The following SOX6 variants were observed in gnomAD, a reference collection of about 807,000 sequenced individuals.
The protein encoded by SOX6 is SRY-box transcription factor 6.
Under a neutral mutation model 97.8 loss-of-function variants are expected in SOX6, and 11 were observed. The observed-to-expected ratio is 0.11, with a 90% CI of 0.07 to 0.19. The LOEUF (loss-of-function observed/expected upper bound fraction) is 0.19, where lower values mean the gene tolerates loss of function less well. Among genes scored for constraint, SOX6 ranks in the 10% least tolerant of loss-of-function variants. SOX6 has a pLI of 1.00. For synonymous variants in SOX6, 360 were observed against 371.4 expected, an observed-to-expected ratio of 0.97 and a Z score of 0.35; for missense variants, 810 against 1,039.5, an observed-to-expected ratio of 0.78 and a Z score of 3.04.
At position 15,973,070 on chromosome 11, in the gene SOX6, C is replaced by G; in HGVS notation, c.2226G>C (p.Val742=). 1.9e-6 allele frequency: 3 copies of G among 1,614,156 alleles called. No homozygotes were observed. Among genetic ancestry groups the G allele is most frequent in the Non-Finnish European group, 2.5e-6 (3 of 1,180,016 alleles). Residue 742 remains valine, a synonymous_variant, in exon 16 of 16, where the codon GTG becomes GTC. Transcript: ENST00000683767. ...QIPITTGTGV[V]YPGAITMATT... is the part of the protein sequence containing the mutation. ...TTGCCATAGTGATAGCACCAGGATA[C>G]ACAACACCTGTTCCTGTGGTGATTG...
chr11:16,576,529 T>A (rs1345738641), intron 4 of SOX6, among the ~76,000 whole-genome samples: 1 of 152,236 alleles, frequency 6.6e-6, no homozygotes, highest in Non-Finnish European at 1.5e-5. Context: ...AAGATATATC[T>A]TCTGTAATAT....
chr11:16,237,741 T>C (rs1853068247), intron 3 of SOX6, among the ~76,000 whole-genome samples: 1 of 152,048 alleles, frequency 6.6e-6, no homozygotes. Flanking sequence ...TAAATATATT[T>C]TACAAATTAA....
At chr11:16,243,081 C>T (rs1056542049) in intron 3 of SOX6, among the ~76,000 whole-genome samples, 1 of 151,942 alleles carries the variant, frequency 6.6e-6, no homozygotes, top group South Asian at 2.1e-4. Context: ...TCTACTGTGC[C>T]TACATCAAAT....
intron 4 of SOX6, among the ~76,000 whole-genome samples, chr11:16,584,554 C>T (rs4447142): frequency 0.65 from 98,205 of 152,006 alleles, 32,280 homozygotes; most frequent in Non-Finnish European, 0.7. Flanking sequence ...CACTGCTGCC[C>T]TCACTAGGAA....
At chr11:16,230,272 T>C (rs1388228073) in intron 4 of SOX6, among the ~76,000 whole-genome samples, 4 of 149,558 alleles carry the variant, frequency 2.7e-5, no homozygotes, top group Admixed American at 1.3e-4. Flanking sequence ...ATTACTTCTC[T>C]ATTACTTAAT....
intron 4 of SOX6, among the ~76,000 whole-genome samples, chr11:16,527,256 G>C (rs1398375258): frequency 1.3e-5 from 2 of 152,072 alleles, no homozygotes; most frequent in African/African-American, 4.8e-5. Context: ...GAAACTGACA[G>C]CTTCATGAAA....
At chr11:15,984,796 G>A (rs1349203910) in intron 15 of SOX6, among the ~76,000 whole-genome samples, 1 of 152,118 alleles carries the variant, frequency 6.6e-6, no homozygotes, top group Non-Finnish European at 1.5e-5. Flanking sequence ...ATCATCTGGT[G>A]TGATATAAAA....
At chr11:16,396,425 T>A (rs981729787) in intron 1 of SOX6, among the ~76,000 whole-genome samples, 2 of 151,688 alleles carry the variant, frequency 1.3e-5, no homozygotes, top group African/African-American at 2.4e-5. Context: ...CATGCACACA[T>A]ATAATGTAGA....
intron 1 of SOX6, among the ~76,000 whole-genome samples, chr11:16,449,589 G>C (rs1794409794): frequency 6.6e-6 from 1 of 152,096 alleles, no homozygotes; most frequent in Admixed American, 6.6e-5. Flanking sequence ...ACGGCGCCCG[G>C]CCGCCCCTTC....
intron 9 of SOX6, among the ~76,000 whole-genome samples, chr11:16,088,396 T>C (rs907948459): frequency 6.6e-6 from 1 of 152,140 alleles, no homozygotes; most frequent in Non-Finnish European, 1.5e-5. Flanking sequence ...ACCATTATAC[T>C]CTCATACAGA....
intron 9 of SOX6, among the ~76,000 whole-genome samples, chr11:16,089,349 C>A (rs1281905520): frequency 6.6e-6 from 1 of 151,992 alleles, no homozygotes; most frequent in Non-Finnish European, 1.5e-5. Flanking sequence ...ACTGCTGTCA[C>A]CAATTATAAG....
intron 1 of SOX6, among the ~76,000 whole-genome samples, chr11:16,451,121 G>T (rs577725393): frequency 7.7e-4 from 117 of 151,950 alleles, no homozygotes; most frequent in Admixed American, 2.0e-3. Context: ...AGTCCCAGCT[G>T]CTTGGGAGGC....
chr11:16,515,151 A>G (rs1195042463), intron 4 of SOX6, among the ~76,000 whole-genome samples: 1 of 150,448 alleles, frequency 6.6e-6, no homozygotes. Context: ...GAACTAGTTT[A>G]CAGTCCCACC....
chr11:16,404,772 T>C (rs1389849472), intron 1 of SOX6, among the ~76,000 whole-genome samples: 1 of 152,032 alleles, frequency 6.6e-6, no homozygotes, highest in African/African-American at 2.4e-5. Flanking sequence ...ATTTCATTGG[T>C]AAATCCCGTT....
At chr11:16,235,060 G>A (rs1254841172) in intron 3 of SOX6, among the ~76,000 whole-genome samples, 1 of 151,904 alleles carries the variant, frequency 6.6e-6, no homozygotes, top group African/African-American at 2.4e-5. Context: ...CAAGCAAAAT[G>A]TATGTGCTGT....
At chr11:16,360,895 C>T (rs575523363), upstream of SOX6, among the ~76,000 whole-genome samples, 41 of 151,168 alleles carry the variant, frequency 2.7e-4, no homozygotes, top group Non-Finnish European at 4.9e-4. Flanking sequence ...CCCAGCTACT[C>T]GGGAGGCTGA....
intron 4 of SOX6, among the ~76,000 whole-genome samples, chr11:16,224,868 G>A (rs949455252): frequency 7.2e-5 from 11 of 152,046 alleles, no homozygotes; most frequent in African/African-American, 2.6e-4. Context: ...ATGATTTAGA[G>A]CAGTGACTTT....
chr11:15,993,555 G>T (rs1453450520), intron 13 of SOX6, among the ~76,000 whole-genome samples: 1 of 152,118 alleles, frequency 6.6e-6, no homozygotes, highest in East Asian at 1.9e-4. Context: ...AATGACAGTT[G>T]CTGAAAGGCC....
At chr11:16,595,856 G>C (rs576864382) in intron 4 of SOX6, among the ~76,000 whole-genome samples, 1 of 152,246 alleles carries the variant, frequency 6.6e-6, no homozygotes, top group South Asian at 2.1e-4. Context: ...TATCAGTAGA[G>C]AGGGTTTACT....
Sources: allele counts gnomAD v4.1 joint callset (sites outside exome capture counted in the v4.1 genomes callset), GRCh38; gene constraint gnomAD v4.1.1; transcripts MANE v1.5; gene names NCBI Gene and HGNC (gene_info 2026-07-23, HGNC 2026-07-21).